The following DENND1A variants were observed in gnomAD, a reference collection of about 807,000 sequenced individuals.
DENND1A encodes DENN domain containing 1A.
DENND1A carries 51 observed loss-of-function variants against 113.7 expected under a neutral mutation model. That is an observed-to-expected ratio of 0.45 (90% CI 0.36 to 0.57). The LOEUF (loss-of-function observed/expected upper bound fraction) is 0.57. DENND1A is among the 20% of genes least tolerant of loss of function. The pLI is 0.00. For missense variants in DENND1A, 1,258 were observed against 1,395.9 expected (o/e 0.90, Z 1.57); for synonymous variants, 565 against 570.8 (o/e 0.99, Z 0.14).
At chr9:123,521,175 C>T (rs2135017178) in intron 13 of DENND1A, among the ~76,000 whole-genome samples, 1 of 152,344 alleles carries the variant, frequency 6.6e-6, no homozygotes, top group South Asian at 2.1e-4. Context: ...TGCTACGCTT[C>T]TGCCTTTAGG....
At chr9:123,720,724 A>C (rs1362419487) in intron 5 of DENND1A, among the ~76,000 whole-genome samples, 1 of 152,232 alleles carries the variant, frequency 6.6e-6, no homozygotes, top group Non-Finnish European at 1.5e-5. Context: ...GCTGATTCTT[A>C]TCTATGGCAA....
intron 1 of DENND1A, chr9:123,928,948 C>T (rs2134257590): frequency 1.0e-6 from 1 of 960,654 alleles, no homozygotes; most frequent in South Asian, 4.8e-5. Context: ...TTCTATTAGT[C>T]ACAGAGGAAA....
intron 2 of DENND1A, among the ~76,000 whole-genome samples, chr9:123,831,087 A>G (rs1238445873): frequency 6.6e-6 from 1 of 152,156 alleles, no homozygotes; most frequent in Non-Finnish European, 1.5e-5. Context: ...ATTGGAATCA[A>G]TAAAACAGCT....
chr9:123,534,415 T>C (rs2055565109), intron 13 of DENND1A, among the ~76,000 whole-genome samples: 2 of 152,236 alleles, frequency 1.3e-5, no homozygotes, highest in Admixed American at 1.3e-4. Context: ...TGTATAATAT[T>C]TCATCACGTA....
chr9:123,871,987 T>C (rs1846689611), intron 2 of DENND1A, among the ~76,000 whole-genome samples: 2 of 152,180 alleles, frequency 1.3e-5, no homozygotes, highest in African/African-American at 2.4e-5. Flanking sequence ...CATCTGATCA[T>C]GGGACCTTGC....
chr9:123,856,058 A>G (rs7033611), intron 2 of DENND1A, among the ~76,000 whole-genome samples: 10,132 of 152,204 alleles, frequency 0.067, 463 homozygotes, highest in African/African-American at 0.13. Flanking sequence ...AAAACCAATT[A>G]AGTGGCAGTA....
chr9:123,661,147 A>C (rs2063214167), intron 8 of DENND1A, among the ~76,000 whole-genome samples: 1 of 152,220 alleles, frequency 6.6e-6, no homozygotes, highest in Non-Finnish European at 1.5e-5. Flanking sequence ...CCAAAAAGGA[A>C]CTGGAGACAC....
At chr9:123,396,074 C>T (rs897126302) in intron 21 of DENND1A, among the ~76,000 whole-genome samples, 2 of 151,882 alleles carry the variant, frequency 1.3e-5, no homozygotes, top group Non-Finnish European at 2.9e-5. Flanking sequence ...GGATTGTGGG[C>T]GTGGGAGGGA....
chr9:123,460,055 G>C (rs1329960713), intron 13 of DENND1A, among the ~76,000 whole-genome samples: 2 of 152,194 alleles, frequency 1.3e-5, no homozygotes, highest in South Asian at 4.1e-4. Flanking sequence ...GAAAAAAGTA[G>C]CTGGGTATGT....
intron 9 of DENND1A, among the ~76,000 whole-genome samples, chr9:123,639,312 G>A (rs780865751): frequency 1.3e-5 from 2 of 151,446 alleles, no homozygotes; most frequent in African/African-American, 2.4e-5. Context: ...GGTGACAGGC[G>A]CCTGTAGTCC....
chr9:123,447,430 G>T (rs2047386181), intron 18 of DENND1A, among the ~76,000 whole-genome samples: 1 of 152,142 alleles, frequency 6.6e-6, no homozygotes, highest in Non-Finnish European at 1.5e-5. Flanking sequence ...AAAATCTGCA[G>T]CACAAATGAA....
chr9:123,432,230 GA>G (rs2046189068), intron 19 of DENND1A, among the ~76,000 whole-genome samples: 1 of 152,170 alleles, frequency 6.6e-6, no homozygotes, highest in Non-Finnish European at 1.5e-5. Flanking sequence ...TTTTCCTCCC[GA>G]AATCAAATAT....
At chr9:123,544,447 G>C (rs975354554) in intron 13 of DENND1A, among the ~76,000 whole-genome samples, 3 of 152,176 alleles carry the variant, frequency 2.0e-5, no homozygotes, top group Non-Finnish European at 4.4e-5. Context: ...TCCTAAGAGG[G>C]AACCAACTCA....
In DENND1A at chr9:123,379,717, CCA is replaced by C. The variant is rs2042180910; in HGVS notation, c.*1713_*1714del. ...TTCATCCTTGGGTTTGCAAAAAGTC[CCA>C]CAAGTGAAGAGGCAGCAGTGCTCAT... On this transcript the variant is annotated 3_prime_UTR_variant, in exon 24 of 24. Coordinates refer to ENST00000394215, the MANE Select transcript of DENND1A (RefSeq NM_001352964.2). 1 of 152,250 alleles carries C rather than the reference CCA, an allele frequency of 6.6e-6. No individual in the cohort carries two copies. Among genetic ancestry groups the C allele is most frequent in the South Asian group, 2.1e-4 (1 of 4,834 alleles). 9.4% of individuals were successfully genotyped at this position (152,250 alleles called of 1,614,324 possible).
intron 2 of DENND1A, among the ~76,000 whole-genome samples, chr9:123,795,614 T>C (rs1456630209): frequency 1.3e-5 from 2 of 152,250 alleles, no homozygotes; most frequent in Non-Finnish European, 2.9e-5. Flanking sequence ...TGCATTTCTT[T>C]GAGTTTTAAA....
intron 10 of DENND1A, among the ~76,000 whole-genome samples, chr9:123,620,216 A>AG (rs1341758049): frequency 2.0e-4 from 23 of 116,658 alleles, no homozygotes; most frequent in African/African-American, 6.2e-4. Context: ...TCCATCTCAA[A>AG]AAAAAAAAAA....
intron 13 of DENND1A, among the ~76,000 whole-genome samples, chr9:123,504,302 T>C (rs1267125589): frequency 6.6e-6 from 1 of 152,188 alleles, no homozygotes; most frequent in South Asian, 2.1e-4. Context: ...CCTGTTGTAC[T>C]TTAACAAGGG....
At position 123,512,068 on chromosome 9, in the gene DENND1A, C is replaced by T. The variant is rs540940320; in HGVS notation, c.993+45502G>A. ...CCGTGTTCCTGGAAACTAAAAGCTC[C>T]AAACAAGAACCAGCAGAATGGCAAA... On this transcript the variant is annotated intron_variant, in intron 13 of 23. Coordinates refer to ENST00000394215, the MANE Select transcript of DENND1A (RefSeq NM_001352964.2). 2.6e-5 allele frequency among the ~76,000 whole-genome samples: 4 copies of T among 152,274 alleles called. No homozygotes were observed. The East Asian group carries it at 7.7e-4, about 29-fold the overall frequency.
At chr9:123,740,939 A>AGAGAGT (rs2068970077) in intron 5 of DENND1A, among the ~76,000 whole-genome samples, 1 of 147,392 alleles carries the variant, frequency 6.8e-6, no homozygotes, top group Non-Finnish European at 1.5e-5. Flanking sequence ...AGAGAGAGAG[A>AGAGAGT]GAGTATGGAC....
Sources: allele counts gnomAD v4.1 joint callset (sites outside exome capture counted in the v4.1 genomes callset), GRCh38; gene constraint gnomAD v4.1.1; transcripts MANE v1.5; gene names NCBI Gene and HGNC (gene_info 2026-07-23, HGNC 2026-07-21).